Variants in DLG2 observed in about 807,000 individuals in gnomAD.
The protein encoded by DLG2 is disks large homolog 2.
In DLG2, 45 loss-of-function variants were observed where a neutral mutation model predicts 132.5. The observed-to-expected ratio is 0.34, with a 90% CI of 0.27 to 0.44. DLG2 has a LOEUF of 0.44. Ranked by LOEUF, DLG2 falls within the 20% of genes least tolerant of loss-of-function variation. The probability of loss-of-function intolerance (pLI) is 1.00; values close to 1 mark genes in which losing one functional copy is unlikely to be tolerated. For missense variants in DLG2, 1,045 were observed against 1,196.9 expected (o/e 0.87, Z 1.87); for synonymous variants, 424 against 419.6 (o/e 1.01, Z -0.13).
At chr11:84,316,930 G>A (rs930557353) in intron 7 of DLG2, 3 of 1,612,842 alleles carry the variant, frequency 1.9e-6, no homozygotes, top group Non-Finnish European at 2.5e-6. Context: ...TGTCCCACAA[G>A]GTCCTGTTGA....
At position 85,601,440 on chromosome 11, in the gene DLG2, A is replaced by C. The variant is rs556684540; in HGVS notation, c.-92-2652T>G. On this transcript the variant is annotated intron_variant, in intron 2 of 27. Transcript: ENST00000376104. ...ACTGCAACCTCCGCCTTCTGGGTTC[A>C]AGCAGTTCTCCTGCCTCAGCCTCCT... 6.6e-5 allele frequency among the ~76,000 whole-genome samples: 10 copies of C among 152,074 alleles called. No individual in the cohort carries two copies. The South Asian group carries it at 2.1e-3, about 32-fold the overall frequency.
Position 84,032,980 on chromosome 11 carries a change from C to G in DLG2, c.919+26335G>C, listed in dbSNP as rs377098484. On this transcript the variant is annotated intron_variant, in intron 11 of 27. Coordinates refer to ENST00000376104, the MANE Select transcript of DLG2 (RefSeq NM_001142699.3). ...AAGCCTACTCTTGAGATGCACTGGT[C>G]AGAAAAAAAGATTTCTTTCAAAATA... Among the ~76,000 whole-genome samples the G allele has an allele frequency of 2.4e-4, 37 of 152,202 alleles. No individual in the cohort carries two copies. The South Asian group carries it at 6.6e-3, about 27-fold the overall frequency.
chr11:84,648,864 C>T (rs2154546210), intron 6 of DLG2, among the ~76,000 whole-genome samples: 1 of 152,184 alleles, frequency 6.6e-6, no homozygotes, highest in Admixed American at 6.5e-5. Flanking sequence ...CTTGTACAGC[C>T]TGCAGAACCA....
chr11:83,601,178 AAGAGAAAT>A, intron 19 of DLG2, among the ~76,000 whole-genome samples: 1 of 152,328 alleles, frequency 6.6e-6, no homozygotes, highest in East Asian at 1.9e-4. Flanking sequence ...TTTATGTTGG[AAGAGAAAT>A]AGAGTTCTTC....
rs75687710 is a variant in DLG2, at chr11:83,694,389, C to T, written c.1826-61064G>A. On this transcript the variant is annotated intron_variant, in intron 18 of 27. Transcript: ENST00000376104. ...AAGGGAAGAACAAAGGCCATTGTCC[C>T]CGGCCCTGGAGACTAGCCTGCCTGA... is the stretch of plus-strand genomic sequence containing the variant. 8.3e-3 allele frequency among the ~76,000 whole-genome samples: 1,262 copies of T among 152,214 alleles called. 8 individuals are homozygous for T. The highest frequency in any genetic ancestry group is 0.023 in the African/African-American group (957 of 41,536).
At chr11:84,589,938 A>G (rs928820946) in intron 6 of DLG2, among the ~76,000 whole-genome samples, 1 of 152,224 alleles carries the variant, frequency 6.6e-6, no homozygotes, top group African/African-American at 2.4e-5. Flanking sequence ...TGCAAGGCAA[A>G]TACTGCAGTC....
chr11:83,926,660 T>C (rs1452427800), intron 15 of DLG2, among the ~76,000 whole-genome samples: 1 of 152,140 alleles, frequency 6.6e-6, no homozygotes, highest in Non-Finnish European at 1.5e-5. Flanking sequence ...TGAGGTGTAA[T>C]AAGACGTAGA....
intron 6 of DLG2, among the ~76,000 whole-genome samples, chr11:84,962,730 C>T (rs186657810): frequency 3.4e-4 from 52 of 152,288 alleles, no homozygotes; most frequent in African/African-American, 1.2e-3. Flanking sequence ...TCTGTTTCAA[C>T]ACTCCTTATC....
chr11:85,121,795 G>C (rs893236385), intron 5 of DLG2, among the ~76,000 whole-genome samples: 2 of 152,104 alleles, frequency 1.3e-5, no homozygotes, highest in African/African-American at 4.8e-5. Flanking sequence ...AGAGTACAAA[G>C]ATTTCTTTCA....
intron 7 of DLG2, among the ~76,000 whole-genome samples, chr11:84,447,931 A>G (rs1014855388): frequency 1.3e-5 from 2 of 152,126 alleles, no homozygotes; most frequent in African/African-American, 4.8e-5. Context: ...GAAAAATATC[A>G]AGCCAGCAGT....
At chr11:84,739,213 A>G (rs2064266510) in intron 6 of DLG2, among the ~76,000 whole-genome samples, 1 of 152,200 alleles carries the variant, frequency 6.6e-6, no homozygotes, top group African/African-American at 2.4e-5. Flanking sequence ...ATTCAACTCA[A>G]TAATATAGAT....
chr11:84,876,044 C>A (rs2086295275), intron 6 of DLG2, among the ~76,000 whole-genome samples: 1 of 151,936 alleles, frequency 6.6e-6, no homozygotes, highest in Non-Finnish European at 1.5e-5. Flanking sequence ...GGCCTTTCTT[C>A]CCCTTTTCAC....
intron 6 of DLG2, among the ~76,000 whole-genome samples, chr11:85,106,861 T>C (rs1203123073): frequency 6.6e-6 from 1 of 152,038 alleles, no homozygotes; most frequent in African/African-American, 2.4e-5. Context: ...ATTGCATCTT[T>C]TGTCTTCCAA....
intron 6 of DLG2, among the ~76,000 whole-genome samples, chr11:84,934,525 GTT>G (rs757894179): frequency 7.8e-5 from 3 of 38,658 alleles, no homozygotes; most frequent in East Asian, 2.6e-3. Flanking sequence ...GTTTTGTTTT[GTT>G]TTTTTTTTTT....
chr11:84,539,141 C>T (rs764935353), intron 6 of DLG2, among the ~76,000 whole-genome samples: 5 of 152,068 alleles, frequency 3.3e-5, no homozygotes, highest in African/African-American at 4.8e-5. Context: ...TCCATCATCA[C>T]CATATGAGAC....
chr11:83,966,168 CATT>C (rs1282695940), intron 12 of DLG2, among the ~76,000 whole-genome samples: 2 of 151,968 alleles, frequency 1.3e-5, no homozygotes, highest in Non-Finnish European at 2.9e-5. Flanking sequence ...ACTATATGAA[CATT>C]ATCAGGGCTT....
chr11:85,151,332 A>G (rs1377265213), intron 5 of DLG2, among the ~76,000 whole-genome samples: 1 of 149,598 alleles, frequency 6.7e-6, no homozygotes. Context: ...CACTCTGGTC[A>G]TTGTTTTCTT....
intron 17 of DLG2, among the ~76,000 whole-genome samples, chr11:83,794,059 A>G (rs1462219286): frequency 6.6e-6 from 1 of 152,176 alleles, no homozygotes. Flanking sequence ...CCAAGCCCAG[A>G]GTTCTTTCTA....
chr11:83,581,027 C>T (rs1313331335), intron 19 of DLG2, among the ~76,000 whole-genome samples: 2 of 150,808 alleles, frequency 1.3e-5, no homozygotes, highest in Non-Finnish European at 2.9e-5. Context: ...TCAACATGTA[C>T]TAATTAGGCA....
Sources: gnomAD v4.1 joint callset for allele counts (sites outside exome capture counted in the v4.1 genomes callset) on GRCh38, gnomAD v4.1.1 for gene constraint, MANE v1.5 for transcripts, NCBI Gene and HGNC (gene_info 2026-07-23, HGNC 2026-07-21) for gene names.